Variants in HS3ST4 observed in about 807,000 individuals in gnomAD.
HS3ST4 encodes the protein heparan sulfate glucosamine 3-O-sulfotransferase 4.
HS3ST4 carries 17 observed loss-of-function variants against 29.2 expected under a neutral mutation model. The ratio of observed to expected loss-of-function variants is 0.58; its 90% confidence interval spans 0.40 to 0.87. The LOEUF (loss-of-function observed/expected upper bound fraction) is 0.87. Ranked by LOEUF, HS3ST4 falls within the 40% of genes least tolerant of loss-of-function variation. The probability of loss-of-function intolerance (pLI) is 0.00; values close to 1 mark genes in which losing one functional copy is unlikely to be tolerated. For missense variants in HS3ST4, 627 were observed against 634.5 expected, an observed-to-expected ratio of 0.99 and a Z score of 0.13; for synonymous variants, 314 against 285.7, an observed-to-expected ratio of 1.10 and a Z score of -1.00.
chr16:25,706,544 C>T lies in HS3ST4; in HGVS notation c.734+13393C>T, dbSNP rs372961819. 6.1e-4 allele frequency among the ~76,000 whole-genome samples: 93 copies of T among 152,196 alleles called. 2 individuals are homozygous for T. In the East Asian group the frequency reaches 0.011, roughly 19 times the overall value. The stretch of plus-strand genomic sequence containing the variant: ...CTCTCCGTCCCCTAGCTCCCCACCC[C>T]CCGACAGGCCCTGGTGTGTGATGTT... On this transcript the variant is annotated intron_variant, in intron 1 of 1. Transcript: ENST00000331351.
intron 1 of HS3ST4, among the ~76,000 whole-genome samples, chr16:25,981,385 G>A (rs1969003617): frequency 6.6e-6 from 1 of 151,988 alleles, no homozygotes. Context: ...TTTGGAATTG[G>A]TTGGTTTCCA....
intron 1 of HS3ST4, among the ~76,000 whole-genome samples, chr16:25,721,082 C>G (rs1966489721): frequency 6.6e-6 from 1 of 152,186 alleles, no homozygotes; most frequent in South Asian, 2.1e-4. Flanking sequence ...AAGGAAGTGA[C>G]ACTTCAACTG....
intron 1 of HS3ST4, among the ~76,000 whole-genome samples, chr16:25,742,179 C>T (rs1567231080): frequency 6.6e-6 from 1 of 152,204 alleles, no homozygotes; most frequent in Non-Finnish European, 1.5e-5. Context: ...CATCCCCCAC[C>T]TCACTGCCAA....
intron 1 of HS3ST4, among the ~76,000 whole-genome samples, chr16:25,802,195 G>A (rs1966945660): frequency 6.6e-6 from 1 of 151,984 alleles, no homozygotes; most frequent in South Asian, 2.1e-4. Flanking sequence ...AGGATGCTAG[G>A]AATGTTTATT....
intron 1 of HS3ST4, among the ~76,000 whole-genome samples, chr16:25,985,816 C>T (rs1265673214): frequency 6.6e-6 from 1 of 152,022 alleles, no homozygotes; most frequent in Non-Finnish European, 1.5e-5. Flanking sequence ...CTCTCAATTA[C>T]CTGGGACTAC....
intron 1 of HS3ST4, among the ~76,000 whole-genome samples, chr16:25,882,954 G>GA: frequency 4.6e-5 from 7 of 152,074 alleles, no homozygotes; most frequent in African/African-American, 1.7e-4. Context: ...CCTCTGGGAG[G>GA]GTGACAGAGA....
rs1014943038 is a variant in HS3ST4, at chr16:25,973,101, A to G, written c.735-162511A>G. On this transcript the variant is annotated intron_variant, in intron 1 of 1. Coordinates refer to ENST00000331351, the MANE Select transcript of HS3ST4 (RefSeq NM_006040.3). ...TGGGGGATGGATGTTTGTTTAAAAA[A>G]TAGAGACCACAGAGTTGGAAATGAT... 5.3e-5 allele frequency among the ~76,000 whole-genome samples: 8 copies of G among 152,332 alleles called. 1 individual carries two copies. In the South Asian group the frequency reaches 1.2e-3, roughly 24 times the overall value.
intron 1 of HS3ST4, among the ~76,000 whole-genome samples, chr16:25,774,695 G>A (rs370971310): frequency 4.2e-4 from 64 of 152,336 alleles, no homozygotes; most frequent in African/African-American, 1.3e-3. Context: ...CCAAGTGTGC[G>A]TGGCATACTA....
At chr16:26,086,703 C>T (rs1898793648) in intron 1 of HS3ST4, among the ~76,000 whole-genome samples, 5 of 152,152 alleles carry the variant, frequency 3.3e-5, no homozygotes, top group African/African-American at 1.2e-4. Flanking sequence ...TTAATAGGTG[C>T]ACAAGAAATA....
intron 1 of HS3ST4, among the ~76,000 whole-genome samples, chr16:25,948,076 C>G (rs1407563153): frequency 6.6e-6 from 1 of 152,146 alleles, no homozygotes; most frequent in Non-Finnish European, 1.5e-5. Flanking sequence ...AAATTTAGAA[C>G]TATTCTTACT....
intron 1 of HS3ST4, among the ~76,000 whole-genome samples, chr16:26,012,330 T>G (rs1969318351): frequency 6.6e-6 from 1 of 152,158 alleles, no homozygotes; most frequent in Non-Finnish European, 1.5e-5. Flanking sequence ...GGAAGGTTTG[T>G]CCCTCAATCA....
intron 1 of HS3ST4, among the ~76,000 whole-genome samples, chr16:26,132,042 G>A (rs1899427355): frequency 6.6e-6 from 1 of 152,146 alleles, no homozygotes; most frequent in African/African-American, 2.4e-5. Flanking sequence ...TAATAATGAT[G>A]CCTGCTCTGT....
intron 1 of HS3ST4, among the ~76,000 whole-genome samples, chr16:26,122,195 A>C (rs1899285384): frequency 6.6e-6 from 1 of 151,976 alleles, no homozygotes; most frequent in Non-Finnish European, 1.5e-5. Context: ...AAAAAAAAAA[A>C]ATCACATATC....
chr16:25,828,236 T>TTTCTTTTTCTG (rs1555467545), intron 1 of HS3ST4, among the ~76,000 whole-genome samples: 17 of 81,682 alleles, frequency 2.1e-4, no homozygotes, highest in Non-Finnish European at 2.2e-4. Context: ...CTTTCTTTCT[T>TTTCTTTTTCTG]TCTTTCTCTT....
At chr16:25,789,456 TTCCTTCCTTCC>T (rs768319881) in intron 1 of HS3ST4, among the ~76,000 whole-genome samples, 11,896 of 55,160 alleles carry the variant, frequency 0.22, 1,287 homozygotes, top group African/African-American at 0.29. Flanking sequence ...CCTTCCTTCC[TTCCTTCCTTCC>T]TTCTTTCTTT....
chr16:25,737,731 G>C (rs1447302855), intron 1 of HS3ST4, among the ~76,000 whole-genome samples: 1 of 152,088 alleles, frequency 6.6e-6, no homozygotes, highest in Non-Finnish European at 1.5e-5. Context: ...CCCCTTACAA[G>C]TATACAAATA....
At chr16:25,882,171 C>A (rs1967901612) in intron 1 of HS3ST4, among the ~76,000 whole-genome samples, 2 of 152,120 alleles carry the variant, frequency 1.3e-5, no homozygotes, top group Admixed American at 6.5e-5. Flanking sequence ...GCTACAGAGT[C>A]CAGAGGGCAA....
At chr16:25,954,936 T>G (rs1168282700) in intron 1 of HS3ST4, among the ~76,000 whole-genome samples, 3 of 152,202 alleles carry the variant, frequency 2.0e-5, no homozygotes, top group Non-Finnish European at 4.4e-5. Flanking sequence ...ATGAATATGC[T>G]TATGAAATAA....
rs532865582 is a variant in HS3ST4, at chr16:25,795,186, T to C, written c.734+102035T>C. On this transcript the variant is annotated intron_variant, in intron 1 of 1. Coordinates refer to ENST00000331351, the MANE Select transcript of HS3ST4 (RefSeq NM_006040.3). Reference sequence around the variant, plus strand: ...CGAAGTTTCACTATGTTGGCCAGGTTGGTCTTGAATTCCTGACCTCGTGAT... The same window carrying C: ...CGAAGTTTCACTATGTTGGCCAGGTCGGTCTTGAATTCCTGACCTCGTGAT... 2.0e-5 allele frequency among the ~76,000 whole-genome samples: 3 copies of C among 152,236 alleles called. No homozygotes were observed. In the East Asian group the frequency reaches 5.8e-4, roughly 29 times the overall value.
Sources: allele counts gnomAD v4.1 joint callset (sites outside exome capture counted in the v4.1 genomes callset), GRCh38; gene constraint gnomAD v4.1.1; transcripts MANE v1.5; gene names NCBI Gene and HGNC (gene_info 2026-07-23, HGNC 2026-07-21).